Variants in FBXO42 observed in about 807,000 individuals in gnomAD.
FBXO42 encodes the protein F-box protein 42.
Under a neutral mutation model 71.7 loss-of-function variants are expected in FBXO42, and 12 were observed. That is an observed-to-expected ratio of 0.17 (90% CI 0.11 to 0.27). FBXO42 has a LOEUF of 0.27. Among genes scored for constraint, FBXO42 ranks in the 10% least tolerant of loss-of-function variants. The pLI, the probability that FBXO42 is intolerant of heterozygous loss-of-function variation, is 1.00. For synonymous variants in FBXO42, 325 were observed against 327.5 expected, an observed-to-expected ratio of 0.99 and a Z score of 0.08; for missense variants, 707 against 911.9, an observed-to-expected ratio of 0.78 and a Z score of 2.89.
rs189605069 is a variant in FBXO42, at chr1:16,328,298, G to A, written c.-17-12863C>T. On this transcript the variant is annotated intron_variant, in intron 1 of 9. Transcript: ENST00000375592. ...GAAAAGGTGTAACCTAAGTAACTTTGGAAATAAGGGGCATCTATAAAACTA... is the reference window on the plus strand; with the variant it reads ...GAAAAGGTGTAACCTAAGTAACTTTAGAAATAAGGGGCATCTATAAAACTA... Among the ~76,000 whole-genome samples the A allele has an allele frequency of 1.3e-3, 196 of 152,246 alleles. 3 individuals are homozygous for A. Among genetic ancestry groups the A allele is most frequent in the Non-Finnish European group, 5.9e-4 (40 of 68,014 alleles).
intron 4 of FBXO42, among the ~76,000 whole-genome samples, chr1:16,266,651 C>T (rs545932469): frequency 2.0e-5 from 3 of 152,126 alleles, no homozygotes; most frequent in African/African-American, 7.2e-5. Context: ...CTCAAACTGG[C>T]GTGTGTATGG....
At chr1:16,263,163 C>T (rs2081732903) in intron 4 of FBXO42, among the ~76,000 whole-genome samples, 1 of 151,858 alleles carries the variant, frequency 6.6e-6, no homozygotes, top group Non-Finnish European at 1.5e-5. Context: ...GAAAAGCAAG[C>T]CATTTAAAGA....
chr1:16,293,807 G>A (rs1212144200), intron 4 of FBXO42: 2 of 152,186 alleles, frequency 1.3e-5, no homozygotes, highest in African/African-American at 4.8e-5. Flanking sequence ...TTTAAAAATA[G>A]TCATTTAGTA....
chr1:16,304,696 C>A (rs376611139), intron 3 of FBXO42, among the ~76,000 whole-genome samples: 1 of 152,064 alleles, frequency 6.6e-6, no homozygotes, highest in Non-Finnish European at 1.5e-5. Context: ...GGGCTGGGCG[C>A]GGTGGCTCAC....
intron 1 of FBXO42, among the ~76,000 whole-genome samples, chr1:16,351,127 C>G (rs2082699317): frequency 6.6e-6 from 1 of 152,176 alleles, no homozygotes; most frequent in East Asian, 1.9e-4. Flanking sequence ...CATTCTTAAG[C>G]AGAAGTAAAG....
intron 1 of FBXO42, among the ~76,000 whole-genome samples, chr1:16,341,391 G>A (rs2082602914): frequency 6.6e-6 from 1 of 151,936 alleles, no homozygotes. Context: ...CATGAGGTCA[G>A]GAGTTCGAGA....
At chr1:16,340,455 G>A (rs1326499015) in intron 1 of FBXO42, among the ~76,000 whole-genome samples, 2 of 151,880 alleles carry the variant, frequency 1.3e-5, no homozygotes, top group East Asian at 3.9e-4. Flanking sequence ...CGAGTAGCTG[G>A]AATTAAAGGC....
intron 1 of FBXO42, among the ~76,000 whole-genome samples, chr1:16,333,868 G>A (rs2082525213): frequency 6.6e-6 from 1 of 152,130 alleles, no homozygotes; most frequent in South Asian, 2.1e-4. Context: ...TTAACAGTCA[G>A]CATTTAAAGG....
At chr1:16,283,785 G>A (rs979383944) in intron 4 of FBXO42, among the ~76,000 whole-genome samples, 6 of 151,890 alleles carry the variant, frequency 4.0e-5, no homozygotes, top group Non-Finnish European at 7.4e-5. Flanking sequence ...GTGAGCCACC[G>A]TGCCTGGCCT....
intron 5 of FBXO42, 36 bp from the exon 6 acceptor site, chr1:16,255,857 G>T: frequency 1.4e-6 from 2 of 1,450,084 alleles, no homozygotes; most frequent in Non-Finnish European, 1.9e-6. Context: ...CAAGAAGTCA[G>T]CACCACACAC....
At chr1:16,295,052 A>G in intron 3 of FBXO42, 135 bp from the exon 4 acceptor site, 1 of 966,982 alleles carries the variant, frequency 1.0e-6, no homozygotes, top group Non-Finnish European at 1.5e-6. Context: ...TTCTATTACC[A>G]GCCTCTTGTC....
chr1:16,263,411 C>A (rs1311434478), intron 4 of FBXO42, among the ~76,000 whole-genome samples: 1 of 151,994 alleles, frequency 6.6e-6, no homozygotes, highest in Non-Finnish European at 1.5e-5. Flanking sequence ...TCACTGCACT[C>A]CAGCCTGGGT....
chr1:16,258,301 A>C (rs2081668294), intron 4 of FBXO42, among the ~76,000 whole-genome samples: 1 of 152,094 alleles, frequency 6.6e-6, no homozygotes, highest in African/African-American at 2.4e-5. Flanking sequence ...ATCAGTCCTG[A>C]AGAGTACAGG....
At chr1:16,270,751 TACACACAC>T (rs58610558) in intron 4 of FBXO42, among the ~76,000 whole-genome samples, 153 of 111,006 alleles carry the variant, frequency 1.4e-3, no homozygotes, top group African/African-American at 4.2e-3. Context: ...TACCATGAGA[TACACACAC>T]ACACACACAC....
At chr1:16,261,722 T>G (rs1032052207) in intron 4 of FBXO42, among the ~76,000 whole-genome samples, 2 of 151,916 alleles carry the variant, frequency 1.3e-5, no homozygotes, top group East Asian at 3.9e-4. Context: ...TTTTTGTTTT[T>G]GAGACGCGTC....
At chr1:16,346,381 A>G (rs546467447) in intron 1 of FBXO42, among the ~76,000 whole-genome samples, 1 of 152,290 alleles carries the variant, frequency 6.6e-6, no homozygotes, top group South Asian at 2.1e-4. Flanking sequence ...ACTACTTCAA[A>G]TCTATTTATT....
intron 4 of FBXO42, among the ~76,000 whole-genome samples, chr1:16,259,765 CAAA>C (rs562076269): frequency 1.7e-4 from 12 of 69,948 alleles, no homozygotes; most frequent in Admixed American, 5.1e-4. Flanking sequence ...GACTCTGTCT[CAAA>C]AAAAAAAAAA....
At chr1:16,321,730 T>A (rs1234491615) in intron 1 of FBXO42, among the ~76,000 whole-genome samples, 1 of 151,690 alleles carries the variant, frequency 6.6e-6, no homozygotes, top group Non-Finnish European at 1.5e-5. Context: ...TTCTGCTCTG[T>A]CGCCCAGGCT....
chr1:16,336,691 A>G (rs1391201322), intron 1 of FBXO42, among the ~76,000 whole-genome samples: 1 of 151,758 alleles, frequency 6.6e-6, no homozygotes, highest in Non-Finnish European at 1.5e-5. Context: ...TTCATAGAAG[A>G]AGGATGTCTG....
Sources: allele counts gnomAD v4.1 joint callset (sites outside exome capture counted in the v4.1 genomes callset), GRCh38; gene constraint gnomAD v4.1.1; transcripts MANE v1.5; gene names NCBI Gene and HGNC (gene_info 2026-07-23, HGNC 2026-07-21).